CRLF2: variants seen among roughly 807,000 people sequenced by gnomAD.
CRLF2 encodes the protein cytokine receptor-like factor 2.
In CRLF2, 41 loss-of-function variants were observed where a neutral mutation model predicts 38.7. The ratio of observed to expected loss-of-function variants is 1.06; its 90% CI spans 0.83 to 1.37. CRLF2 has a LOEUF of 1.37. CRLF2 is among the 40% of genes most tolerant of loss of function. The pLI, the probability that CRLF2 is intolerant of heterozygous loss-of-function variation, is 0.00. For synonymous variants in CRLF2, 140 were observed against 128.8 expected (o/e 1.09, Z -0.59); for missense variants, 377 against 322.2 (o/e 1.17, Z -1.30).
chrX:1,208,229 G>C (rs1489801537), intron 2 of CRLF2, among the ~76,000 whole-genome samples: 1 of 152,036 alleles, frequency 6.6e-6, no homozygotes, highest in Non-Finnish European at 1.5e-5. Flanking sequence ...AGCTCTGGGT[G>C]AACAAAACTC....
rs1304630951 is a variant in CRLF2 at position 1,192,683 on chromosome X, TTC to T, written c.852+533_852+534del. On this transcript the variant is annotated intron_variant, in intron 7 of 7. Transcript: ENST00000400841. ...TTTCCTTTTTTCTTTCTCTTTCTTT[TTC>T]TCTTTCTTTTTCTTTTCTTTTCTTT... Among the ~76,000 whole-genome samples the T allele has an allele frequency of 9.9e-5, 15 of 151,526 alleles. No individual in the cohort carries two copies. The East Asian group carries it at 1.7e-3, about 18-fold the overall frequency.
At chrX:1,195,949 A>T (rs1171035143) in intron 6 of CRLF2, among the ~76,000 whole-genome samples, 5 of 141,356 alleles carry the variant, frequency 3.5e-5, no homozygotes, top group East Asian at 2.0e-4. Context: ...ATTTATATAT[A>T]TTTTATATAT....
At chrX:1,191,346 C>CTTTCTTTCTTTCTTTCT (rs1491422134) in intron 7 of CRLF2, among the ~76,000 whole-genome samples, 186 bp from the exon 8 acceptor site, 3 of 44,696 alleles carry the variant, frequency 6.7e-5, no homozygotes, top group African/African-American at 9.2e-5. Context: ...TCTTTCTTTC[C>CTTTCTTTCTTTCTTTCT]TTCTTTCTTT....
Position 1,191,496 on chromosome X carries a change from A to G in CRLF2, c.853-336T>C, listed in dbSNP as rs1356724425. Among the ~76,000 whole-genome samples the G allele has an allele frequency of 4.3e-4, 65 of 151,582 alleles. No individual in the cohort carries two copies. In the Middle Eastern group the frequency reaches 0.017, roughly 40 times the overall value. On this transcript the variant is annotated intron_variant, in intron 7 of 7. Transcript: ENST00000400841. ...TACAAAGCTCTTGTTTGGGGCATCC[A>G]GGAGCTCTGACACCAATACCCTTGT...
chrX:1,200,798 C>CGTGT (rs2147838286), intron 4 of CRLF2, among the ~76,000 whole-genome samples: 1 of 151,676 alleles, frequency 6.6e-6, no homozygotes, highest in Non-Finnish European at 1.5e-5. Context: ...TGTGTATATG[C>CGTGT]ATGTGTATAT....
At chrX:1,200,033 A>G (rs867938970) in intron 4 of CRLF2, among the ~76,000 whole-genome samples, 1 of 141,612 alleles carries the variant, frequency 7.1e-6, no homozygotes, top group Non-Finnish European at 1.5e-5. Flanking sequence ...CTCTGTATAT[A>G]TGTGTGTGTA....
At chrX:1,205,862 G>A (rs1478491567) in intron 3 of CRLF2, among the ~76,000 whole-genome samples, 1 of 151,706 alleles carries the variant, frequency 6.6e-6, no homozygotes, top group African/African-American at 2.4e-5. Context: ...ATGGTAATAA[G>A]CTGAAGGAAG....
At chrX:1,192,381 C>T (rs1398985328) in intron 7 of CRLF2, among the ~76,000 whole-genome samples, 23,945 of 150,910 alleles carry the variant, frequency 0.16, 2,206 homozygotes, top group East Asian at 0.25. Flanking sequence ...CCCAGCACTT[C>T]GGGAGGCCAA....
chrX:1,211,361 A>ATGGGTGGATGGG (rs1491326105), intron 1 of CRLF2, among the ~76,000 whole-genome samples: 2 of 61,546 alleles, frequency 3.2e-5, no homozygotes. Flanking sequence ...GGATGGGTGG[A>ATGGGTGGATGGG]TGGATGGATG....
intron 5 of CRLF2, among the ~76,000 whole-genome samples, chrX:1,197,753 G>A (rs1159464454): frequency 3.3e-4 from 50 of 151,814 alleles, no homozygotes; most frequent in Non-Finnish European, 6.2e-4. Flanking sequence ...GGCGGAGGTT[G>A]CAGTGAGCCA....
At chrX:1,207,259 T>C (rs1472677666) in intron 2 of CRLF2, among the ~76,000 whole-genome samples, 1 of 150,306 alleles carries the variant, frequency 6.7e-6, no homozygotes, top group Non-Finnish European at 1.5e-5. Context: ...TTTTTATTTG[T>C]TCGTTTGTTT....
At chrX:1,209,310 TG>T (rs2086750717) in intron 1 of CRLF2, among the ~76,000 whole-genome samples, 1 of 141,050 alleles carries the variant, frequency 7.1e-6, no homozygotes, top group Non-Finnish European at 1.5e-5. Flanking sequence ...TGTAGTGTAG[TG>T]TAGTGTAGTG....
At chrX:1,201,466 T>C (rs1180803497) in intron 4 of CRLF2, among the ~76,000 whole-genome samples, 1 of 145,640 alleles carries the variant, frequency 6.9e-6, no homozygotes, top group Admixed American at 7.1e-5. Context: ...TGATAGATGA[T>C]ACATAGACAG....
chrX:1,200,950 T>C (rs1309339490), intron 4 of CRLF2, among the ~76,000 whole-genome samples: 3 of 151,976 alleles, frequency 2.0e-5, no homozygotes, highest in African/African-American at 7.3e-5. Context: ...TGTGAGGTGA[T>C]TTCTTCATTA....
intron 6 of CRLF2, among the ~76,000 whole-genome samples, chrX:1,193,594 A>G (rs1308849077): frequency 1.0e-3 from 155 of 151,624 alleles, no homozygotes; most frequent in African/African-American, 3.6e-3. Context: ...CCTGGCCAAC[A>G]TGGTGAAATC....
chrX:1,207,850 A>G (rs2086720521), intron 2 of CRLF2, among the ~76,000 whole-genome samples: 2 of 151,912 alleles, frequency 1.3e-5, no homozygotes, highest in South Asian at 4.1e-4. Flanking sequence ...GGGTTTCACC[A>G]TGTTGGCCAG....
At chrX:1,208,679 C>A in intron 2 of CRLF2, 127 bp downstream of exon 2, 1 of 676,338 alleles carries the variant, frequency 1.5e-6, no homozygotes, top group Non-Finnish European at 2.7e-6. Context: ...TTTCACAGAA[C>A]AAACATTCCG....
chrX:1,201,630 G>C (rs2086610378), intron 4 of CRLF2, among the ~76,000 whole-genome samples: 1 of 147,018 alleles, frequency 6.8e-6, no homozygotes, highest in South Asian at 2.2e-4. Flanking sequence ...AGATGATAGA[G>C]AGATAAATAG....
intron 5 of CRLF2, among the ~76,000 whole-genome samples, chrX:1,197,394 C>T (rs1210101484): frequency 6.6e-6 from 1 of 151,856 alleles, no homozygotes; most frequent in Non-Finnish European, 1.5e-5. Context: ...CCACAGCCAC[C>T]CCGAGGAAGT....
Sources: gnomAD v4.1 joint callset for allele counts (sites outside exome capture counted in the v4.1 genomes callset) on GRCh38, gnomAD v4.1.1 for gene constraint, MANE v1.5 for transcripts, NCBI Gene and HGNC (gene_info 2026-07-23, HGNC 2026-07-21) for gene names.